ITGA3: variants seen among roughly 807,000 people sequenced by gnomAD.
The protein encoded by ITGA3 is integrin subunit alpha 3.
ITGA3 carries 70 observed loss-of-function variants against 131.1 expected under a neutral mutation model. The observed-to-expected ratio is 0.53, with a 90% CI of 0.44 to 0.65. The LOEUF is 0.65. Among genes scored for constraint, ITGA3 ranks in the 30% least tolerant of loss-of-function variants. The pLI, the probability that ITGA3 is intolerant of heterozygous loss-of-function variation, is 0.00. For missense variants in ITGA3, 1,098 were observed against 1,388.6 expected (o/e 0.79, Z 3.33); for synonymous variants, 537 against 571.6 (o/e 0.94, Z 0.86).
At chr17:50,062,385 C>G (rs1278410630) in intron 1 of ITGA3, among the ~76,000 whole-genome samples, 1 of 152,312 alleles carries the variant, frequency 6.6e-6, no homozygotes, top group East Asian at 1.9e-4. Flanking sequence ...CTTCTCTCAT[C>G]TGTCAGGCAC....
intron 1 of ITGA3, among the ~76,000 whole-genome samples, chr17:50,060,755 T>A (rs1908039579): frequency 6.6e-6 from 1 of 152,110 alleles, no homozygotes; most frequent in African/African-American, 2.4e-5. Context: ...CATCTAGGCA[T>A]CCCTCCACCT....
chr17:50,078,384 G>A (rs981262487), intron 18 of ITGA3, 100 bp downstream of exon 18: 2 of 923,496 alleles, frequency 2.2e-6, no homozygotes, highest in South Asian at 3.0e-5. Context: ...CCCCTCTCTT[G>A]GCCCAGTGTC....
At chr17:50,073,886 G>T in intron 7 of ITGA3, 30 bp from the exon 8 acceptor site, 2 of 1,566,812 alleles carry the variant, frequency 1.3e-6, no homozygotes, top group Non-Finnish European at 1.8e-6. Context: ...AGAGTACCTG[G>T]GTGACCCTGT....
intron 1 of ITGA3, among the ~76,000 whole-genome samples, chr17:50,060,545 A>C (rs1316051911): frequency 6.6e-6 from 1 of 152,152 alleles, no homozygotes; most frequent in Non-Finnish European, 1.5e-5. Flanking sequence ...CTTGGAGCTC[A>C]AGGGGCTCCG....
Position 50,074,269 on chromosome 17 carries a change from T to C in ITGA3, c.1371T>C (p.Ile457=), listed in dbSNP as rs976168995. 2 of 1,614,134 alleles carry C rather than the reference T, an allele frequency of 1.2e-6. No individual in the cohort carries two copies. The highest frequency in any genetic ancestry group is 1.7e-6 in the Non-Finnish European group (2 of 1,179,966). Reference sequence around the variant, plus strand: ...TAGTGGGAAGCCTGTCAGACCACATTGTGCTGCTGCGGTGAGCCAGGAGGC... The same window carrying C: ...TAGTGGGAAGCCTGTCAGACCACATCGTGCTGCTGCGGTGAGCCAGGAGGC... ...DLLVGSLSDH[I]VLLRARPVIN... Residue 457 remains isoleucine, a synonymous_variant, in exon 9 of 26, where the codon ATT becomes ATC. Transcript: ENST00000320031.
At chr17:50,088,088 T>G (rs1909544570) in intron 24 of ITGA3, 137 bp from the exon 25 acceptor site, 2 of 1,304,360 alleles carry the variant, frequency 1.5e-6, no homozygotes, top group South Asian at 3.1e-5. Flanking sequence ...AGCTCTGGCT[T>G]CTGACCACAC....
chr17:50,073,639 C>T (rs937732542), intron 7 of ITGA3, among the ~76,000 whole-genome samples: 2 of 151,128 alleles, frequency 1.3e-5, no homozygotes, highest in Non-Finnish European at 2.9e-5. Flanking sequence ...CACACGCACA[C>T]ACGCACACAC....
At chr17:50,072,315 G>A in intron 7 of ITGA3, 133 bp downstream of exon 7, 1 of 775,626 alleles carries the variant, frequency 1.3e-6, no homozygotes, top group Non-Finnish European at 2.1e-6. Flanking sequence ...CCGGACCTGG[G>A]GAGCTCGCAG....
At position 50,089,370 on chromosome 17, in the gene ITGA3, A is replaced by G. The variant is rs1307322861; in HGVS notation, c.*292A>G. 2.1e-6 allele frequency: 2 copies of G among 940,260 alleles called. No homozygotes were observed. Among genetic ancestry groups the G allele is most frequent in the Admixed American group, 2.3e-5 (1 of 43,312 alleles). The allele number at this position is 940,260 out of a possible 1,614,324, so 58.2% of individuals were successfully genotyped here. ...ACAGGGGCCACCACCTTTGGCTGGT[A>G]GCAGCAGGCTCAGGCACATACACCT... On this transcript the variant is annotated 3_prime_UTR_variant, in exon 26 of 26. Transcript: ENST00000320031.
chr17:50,074,315 C>T, intron 9 of ITGA3, 35 bp downstream of exon 9: 4 of 1,610,270 alleles, frequency 2.5e-6, no homozygotes, highest in Non-Finnish European at 3.4e-6. Context: ...GGGTCTTTCT[C>T]TTCTTCATCT....
chr17:50,069,197 T>A (rs1908500430), intron 4 of ITGA3, among the ~76,000 whole-genome samples: 1 of 152,124 alleles, frequency 6.6e-6, no homozygotes, highest in Non-Finnish European at 1.5e-5. Context: ...ATATCCATTT[T>A]ACAAAAACAA....
At chr17:50,076,935 G>C (rs1325520417) in intron 14 of ITGA3, 39 bp from the exon 15 acceptor site, 1 of 1,579,074 alleles carries the variant, frequency 6.3e-7, no homozygotes, top group Non-Finnish European at 8.6e-7. Context: ...GTGCCCTGGG[G>C]GCGGGGCTCT....
At chr17:50,060,851 C>A (rs1231864901) in intron 1 of ITGA3, among the ~76,000 whole-genome samples, 1 of 152,166 alleles carries the variant, frequency 6.6e-6, no homozygotes, top group Non-Finnish European at 1.5e-5. Flanking sequence ...TGATCTGGAC[C>A]AGACCTAAAA....
At chr17:50,069,832 G>A (rs920129794) in intron 4 of ITGA3, among the ~76,000 whole-genome samples, 10 of 152,198 alleles carry the variant, frequency 6.6e-5, no homozygotes, top group African/African-American at 2.2e-4. Flanking sequence ...CACAGGGGGT[G>A]TCTGACAGCT....
intron 5 of ITGA3, 44 bp from the exon 6 acceptor site, chr17:50,071,267 G>T: frequency 6.4e-7 from 1 of 1,561,804 alleles, no homozygotes. Flanking sequence ...AGAAAGAGAC[G>T]AAGTTGACTG....
chr17:50,059,980 T>C (rs892662419), intron 1 of ITGA3, among the ~76,000 whole-genome samples: 1 of 151,438 alleles, frequency 6.6e-6, no homozygotes, highest in African/African-American at 2.4e-5. Context: ...GGGGGCTGGG[T>C]GGGCAGCAAG....
At chr17:50,077,218 T>G in intron 15 of ITGA3, 97 bp downstream of exon 15, 1 of 1,359,460 alleles carries the variant, frequency 7.4e-7, no homozygotes, top group Non-Finnish European at 1.0e-6. Context: ...GTCTGCCACG[T>G]GCCCACCTCC....
At position 50,081,117 on chromosome 17, in the gene ITGA3, G is replaced by A. The variant is rs55770451; in HGVS notation, c.2821-193G>A. 99 of 560,896 alleles carry A rather than the reference G, an allele frequency of 1.8e-4. No individual in the cohort carries two copies. In the South Asian group the frequency reaches 1.9e-3, roughly 11 times the overall value. The allele number at this position is 560,896 out of a possible 1,614,324, so 34.7% of individuals were successfully genotyped here. A position where few individuals can be genotyped will look rare whatever the true frequency, so the allele number is the denominator to read the frequency against. ...CCCAGCATCCAGCACAGGACCTGAC[G>A]CAGAAATGAATGAACAAATAAATGA... On this transcript the variant is annotated intron_variant, in intron 22 of 25. Transcript: ENST00000320031.
chr17:50,081,419 A>C lies in ITGA3; in HGVS notation c.2919+11A>C. On this transcript the variant is annotated intron_variant, in intron 23 of 25. Transcript: ENST00000320031. ...AACAAGACCACGTGGGTGAGTGCGC[A>C]TGTTCACTAGGACAGCAGTCTCCAG... 1.3e-6 allele frequency: 2 copies of C among 1,554,250 alleles called. No individual in the cohort carries two copies. Among genetic ancestry groups the C allele is most frequent in the Non-Finnish European group, 1.7e-6 (2 of 1,143,020 alleles).
Sources: allele counts gnomAD v4.1 joint callset (sites outside exome capture counted in the v4.1 genomes callset), GRCh38; gene constraint gnomAD v4.1.1; transcripts MANE v1.5; gene names NCBI Gene and HGNC (gene_info 2026-07-23, HGNC 2026-07-21).